Variants in SYT1 observed in about 807,000 individuals in gnomAD.
SYT1 encodes the protein synaptotagmin-1.
In SYT1, 8 loss-of-function variants were observed where a neutral mutation model predicts 44.8. That is an observed-to-expected ratio of 0.18 (90% confidence interval 0.10 to 0.32). The LOEUF is 0.32. Among genes scored for constraint, SYT1 ranks in the 10% least tolerant of loss-of-function variants. SYT1 has a pLI of 1.00. For missense variants in SYT1, 286 were observed against 509.3 expected (o/e 0.56, Z 4.22); for synonymous variants, 154 against 188.8 (o/e 0.82, Z 1.51).
At chr12:79,337,924 C>G (rs962102016) in intron 8 of SYT1, among the ~76,000 whole-genome samples, 1 of 152,152 alleles carries the variant, frequency 6.6e-6, no homozygotes, top group Non-Finnish European at 1.5e-5. Flanking sequence ...ATCCCAGAGC[C>G]TCAAAGTCAG....
chr12:79,030,321 T>A (rs897881223), intron 2 of SYT1, among the ~76,000 whole-genome samples: 3 of 150,900 alleles, frequency 2.0e-5, no homozygotes. Flanking sequence ...CTTCTTTCTC[T>A]CTCCTTCCCA....
chr12:79,101,345 A>T (rs866474987), intron 3 of SYT1, among the ~76,000 whole-genome samples: 2 of 152,370 alleles, frequency 1.3e-5, no homozygotes, highest in African/African-American at 4.8e-5. Context: ...AACCTTGGAG[A>T]CATTATGCTA....
chr12:78,952,605 T>G (rs1413790554), intron 1 of SYT1, among the ~76,000 whole-genome samples: 1 of 152,158 alleles, frequency 6.6e-6, no homozygotes, highest in African/African-American at 2.4e-5. Flanking sequence ...TAGGTAATTC[T>G]GGAATATTCC....
chr12:79,290,597 C>T (rs1052119278), intron 5 of SYT1, among the ~76,000 whole-genome samples: 1 of 152,154 alleles, frequency 6.6e-6, no homozygotes, highest in Non-Finnish European at 1.5e-5. Context: ...GTTAAGATTC[C>T]TTTACTTTAT....
chr12:79,367,981 GC>G (rs1320244949), intron 9 of SYT1, among the ~76,000 whole-genome samples: 1 of 151,622 alleles, frequency 6.6e-6, no homozygotes, highest in Non-Finnish European at 1.5e-5. Flanking sequence ...GTATACATGT[GC>G]CATGCTGGTG....
chr12:79,052,864 C>G (rs1207163087), intron 3 of SYT1, among the ~76,000 whole-genome samples: 1 of 152,054 alleles, frequency 6.6e-6, no homozygotes, highest in East Asian at 1.9e-4. Context: ...ACAACAGGTG[C>G]TGGAGAGGAT....
Position 78,997,603 on chromosome 12 carries a change from C to T in SYT1, c.-84+19672C>T, listed in dbSNP as rs77799185. On this transcript the variant is annotated intron_variant, in intron 2 of 10. Transcript: ENST00000261205. The stretch of plus-strand genomic sequence containing the variant: ...TGCACTGAGGGTATCTTCTGCCCTC[C>T]CAGAAGCCATCTATTACCCAAATTA... Among the ~76,000 whole-genome samples the T allele has an allele frequency of 3.4e-3, 512 of 152,058 alleles. 8 individuals carry two copies. Among genetic ancestry groups the T allele is most frequent in the African/African-American group, 0.012 (496 of 41,466 alleles).
At chr12:79,139,829 G>T (rs939357807) in intron 3 of SYT1, among the ~76,000 whole-genome samples, 3 of 152,178 alleles carry the variant, frequency 2.0e-5, no homozygotes, top group African/African-American at 7.2e-5. Context: ...TCAGGCCACT[G>T]AGCAGAATGA....
At chr12:79,293,129 G>A (rs1879669847) in intron 6 of SYT1, among the ~76,000 whole-genome samples, 4 of 149,538 alleles carry the variant, frequency 2.7e-5, no homozygotes, top group Middle Eastern at 3.4e-3. Flanking sequence ...TGGCTAACAC[G>A]GTGAAACCCT....
intron 3 of SYT1, among the ~76,000 whole-genome samples, chr12:79,118,129 C>T (rs922227706): frequency 6.6e-6 from 1 of 151,646 alleles, no homozygotes; most frequent in Non-Finnish European, 1.5e-5. Flanking sequence ...GCTGATCTAG[C>T]CTGTTGTTTG....
intron 8 of SYT1, among the ~76,000 whole-genome samples, chr12:79,343,554 C>A (rs1332490077): frequency 6.6e-6 from 1 of 152,132 alleles, no homozygotes; most frequent in African/African-American, 2.4e-5. Flanking sequence ...GGAATTGAAC[C>A]TAAGTAGCCT....
intron 4 of SYT1, among the ~76,000 whole-genome samples, chr12:79,279,298 C>T (rs1008953366): frequency 6.6e-5 from 10 of 151,944 alleles, no homozygotes; most frequent in Non-Finnish European, 1.5e-4. Flanking sequence ...ATTAATTCAC[C>T]GCAATCAAGT....
At chr12:79,187,228 A>G (rs1009996858) in intron 3 of SYT1, among the ~76,000 whole-genome samples, 4 of 152,068 alleles carry the variant, frequency 2.6e-5, no homozygotes, top group African/African-American at 9.7e-5. Context: ...AAAGATATAT[A>G]TTGGATGGAG....
At chr12:79,273,521 C>T (rs1878545459) in intron 4 of SYT1, among the ~76,000 whole-genome samples, 1 of 152,110 alleles carries the variant, frequency 6.6e-6, no homozygotes, top group Non-Finnish European at 1.5e-5. Context: ...TGTGAGTCTC[C>T]AAAGGGCAAA....
chr12:79,304,638 A>G (rs1312835423), intron 8 of SYT1, among the ~76,000 whole-genome samples: 2 of 152,130 alleles, frequency 1.3e-5, no homozygotes, highest in Non-Finnish European at 2.9e-5. Context: ...ATTTAAATGT[A>G]AGACTGAAAG....
At chr12:79,030,712 G>GAACC (rs1872777026) in intron 2 of SYT1, among the ~76,000 whole-genome samples, 1 of 150,962 alleles carries the variant, frequency 6.6e-6, no homozygotes, top group African/African-American at 2.4e-5. Context: ...AAAATATAAT[G>GAACC]AACCAATATA....
chr12:79,027,827 G>A (rs1872622823), intron 2 of SYT1, among the ~76,000 whole-genome samples: 2 of 151,646 alleles, frequency 1.3e-5, no homozygotes, highest in Non-Finnish European at 3.0e-5. Context: ...ATTATCTTGA[G>A]TTTGCTTTAA....
intron 5 of SYT1, among the ~76,000 whole-genome samples, chr12:79,290,101 GATA>G (rs1381750006): frequency 6.6e-6 from 1 of 152,098 alleles, no homozygotes; most frequent in Non-Finnish European, 1.5e-5. Context: ...AACCAAATTT[GATA>G]ATGTTTCTAC....
intron 3 of SYT1, among the ~76,000 whole-genome samples, chr12:79,157,217 T>C (rs1321138590): frequency 6.6e-6 from 1 of 152,198 alleles, no homozygotes; most frequent in Non-Finnish European, 1.5e-5. Context: ...GCTTGCCGTT[T>C]ATTGCAAGGG....
Sources: allele counts gnomAD v4.1 joint callset (sites outside exome capture counted in the v4.1 genomes callset), GRCh38; gene constraint gnomAD v4.1.1; transcripts MANE v1.5; gene names NCBI Gene and HGNC (gene_info 2026-07-23, HGNC 2026-07-21).